The following FBXL18 variants were observed in gnomAD, a reference collection of about 807,000 sequenced individuals.
FBXL18 encodes F-box and leucine rich repeat protein 18.
FBXL18 carries 36 observed loss-of-function variants against 46.0 expected under a neutral mutation model. The observed-to-expected ratio is 0.78, with a 90% confidence interval of 0.60 to 1.03. FBXL18 has a LOEUF of 1.03. Among genes scored for constraint, FBXL18 ranks in the 50% least tolerant of loss-of-function variants. FBXL18 has a pLI of 0.00. For synonymous variants in FBXL18, 557 were observed against 465.3 expected (o/e 1.20, Z -2.54); for missense variants, 977 against 1,004.1 (o/e 0.97, Z 0.36).
intron 4 of FBXL18, among the ~76,000 whole-genome samples, chr7:5,485,089 G>A (rs972838718): frequency 1.3e-5 from 2 of 152,136 alleles, no homozygotes; most frequent in African/African-American, 4.8e-5. Flanking sequence ...GCCAGGATTC[G>A]TTTCTCGCCA....
At chr7:5,459,235 C>A (rs1001136415) in intron 4 of FBXL18, among the ~76,000 whole-genome samples, 1 of 152,190 alleles carries the variant, frequency 6.6e-6, no homozygotes, top group African/African-American at 2.4e-5. Context: ...AGGATTTTAC[C>A]AGACACAGGT....
At chr7:5,497,565 T>G (rs1289272626) in intron 3 of FBXL18, among the ~76,000 whole-genome samples, 1 of 152,170 alleles carries the variant, frequency 6.6e-6, no homozygotes, top group Non-Finnish European at 1.5e-5. Flanking sequence ...CCAAGCTGGC[T>G]GCATGGCCGG....
intron 4 of FBXL18, among the ~76,000 whole-genome samples, chr7:5,486,269 AT>A (rs200416024): frequency 5.5e-5 from 8 of 145,364 alleles, no homozygotes; most frequent in Admixed American, 2.8e-4. Flanking sequence ...AAAAAAAAAA[AT>A]GAGCTGGTTG....
chr7:5,462,840 A>C (rs1398426692), intron 4 of FBXL18, among the ~76,000 whole-genome samples: 1 of 148,598 alleles, frequency 6.7e-6, no homozygotes, highest in Admixed American at 6.8e-5. Context: ...AGTCCCAGCT[A>C]CTCGGGAGGC....
intron 1 of FBXL18, among the ~76,000 whole-genome samples, chr7:5,513,079 A>G (rs970234665): frequency 1.3e-5 from 2 of 152,144 alleles, no homozygotes; most frequent in Non-Finnish European, 2.9e-5. Flanking sequence ...TGCAGAGACA[A>G]TACTTTGCAC....
At chr7:5,498,413 G>C (rs1784142059) in intron 3 of FBXL18, among the ~76,000 whole-genome samples, 1 of 151,958 alleles carries the variant, frequency 6.6e-6, no homozygotes, top group Non-Finnish European at 1.5e-5. Context: ...TACTTTAAAG[G>C]CTCGCCACAT....
downstream of FBXL18, among the ~76,000 whole-genome samples, chr7:5,471,601 G>A (rs534412124): frequency 3.6e-4 from 55 of 151,998 alleles, 1 homozygote; most frequent in East Asian, 3.5e-3. Context: ...TAGTAGAGAC[G>A]GGGCTTCACC....
At chr7:5,462,967 AAAAT>A (rs1783274846) in intron 4 of FBXL18, among the ~76,000 whole-genome samples, 1 of 17,004 alleles carries the variant, frequency 5.9e-5, no homozygotes, top group African/African-American at 1.4e-4. Flanking sequence ...AAAAAAAAAA[AAAAT>A]ATATATATAT....
At chr7:5,470,706 GAGATGTCCCCTTCCCGGGGGGGA>G (rs1783414694) in intron 4 of FBXL18, among the ~76,000 whole-genome samples, 2 of 1,172 alleles carry the variant, frequency 1.7e-3, no homozygotes, top group African/African-American at 0.015. Context: ...TCCCGGGGGG[GAGATGTCCCCTTCCCGGGGGGGA>G]GATGTCCACT....
chr7:5,506,832 C>T (rs751687904), intron 1 of FBXL18, among the ~76,000 whole-genome samples: 2 of 152,190 alleles, frequency 1.3e-5, no homozygotes, highest in Non-Finnish European at 2.9e-5. Context: ...CAGGCAAGAG[C>T]CCTGCACCTG....
chr7:5,472,812 G>C (rs1783447645), downstream of FBXL18, among the ~76,000 whole-genome samples: 1 of 152,178 alleles, frequency 6.6e-6, no homozygotes, highest in South Asian at 2.1e-4. Flanking sequence ...CCCTGGAGAA[G>C]CCGTGAGCAC....
At chr7:5,484,730 C>G (rs1441800050) in intron 4 of FBXL18, among the ~76,000 whole-genome samples, 11 of 151,522 alleles carry the variant, frequency 7.3e-5, no homozygotes, top group African/African-American at 2.4e-4. Flanking sequence ...CCTCCGCCTC[C>G]CGAGCTTAAA....
intron 4 of FBXL18, among the ~76,000 whole-genome samples, chr7:5,485,725 T>C (rs923677144): frequency 1.3e-5 from 2 of 151,990 alleles, no homozygotes; most frequent in African/African-American, 2.4e-5. Flanking sequence ...CTGACCAACA[T>C]GGAGAAACCC....
intron 1 of FBXL18, among the ~76,000 whole-genome samples, chr7:5,510,229 G>T (rs979968447): frequency 1.3e-5 from 2 of 150,564 alleles, no homozygotes; most frequent in African/African-American, 4.9e-5. Context: ...CTTGAACCGA[G>T]GAGGTGGAGG....
intron 1 of FBXL18, among the ~76,000 whole-genome samples, chr7:5,505,886 C>A (rs1262095582): frequency 2.6e-5 from 4 of 152,198 alleles, no homozygotes; most frequent in Non-Finnish European, 5.9e-5. Context: ...TGTTGTGAGA[C>A]AGAAGTTTCA....
In FBXL18 at chr7:5,480,284, G is replaced by A. The variant is rs543445412; in HGVS notation, c.*1491C>T. On this transcript the variant is annotated 3_prime_UTR_variant, in exon 5 of 5. Coordinates refer to ENST00000382368, the MANE Select transcript of FBXL18 (RefSeq NM_024963.6). ...CCAGGGCGGCGGTCCAGGCTAGCAG[G>A]GCCCAACTACAGCCCCCTTTGGAAG... Among the ~76,000 whole-genome samples the A allele has an allele frequency of 2.4e-4, 36 of 152,250 alleles. No homozygotes were observed. The highest frequency in any genetic ancestry group is 8.4e-4 in the African/African-American group (35 of 41,546).
downstream of FBXL18, among the ~76,000 whole-genome samples, chr7:5,470,996 T>A (rs1295862930): frequency 6.6e-6 from 1 of 152,088 alleles, no homozygotes; most frequent in Non-Finnish European, 1.5e-5. Context: ...GCGTGCAGCA[T>A]CTCACCCGGG....
At chr7:5,460,949 G>A (rs1161150040) in intron 4 of FBXL18, among the ~76,000 whole-genome samples, 5 of 152,146 alleles carry the variant, frequency 3.3e-5, no homozygotes, top group South Asian at 2.1e-4. Context: ...TGAAGTAATC[G>A]TGCTACTGGG....
At position 5,495,476 on chromosome 7, in the gene FBXL18, A is replaced by G. The variant is rs764969017; in HGVS notation, c.1782-4027T>C. ...GGAAAGAAGGTGTCTTTTCTGCCCA[A>G]TTTGTAATCCCCTTACTACTGAGGT... On this transcript the variant is annotated intron_variant, in intron 3 of 4. Transcript: ENST00000382368. Among the ~76,000 whole-genome samples the G allele has an allele frequency of 5.3e-5, 8 of 152,132 alleles. No individual in the cohort carries two copies. The East Asian group carries it at 5.8e-4, about 11-fold the overall frequency.
Sources: allele counts gnomAD v4.1 joint callset (sites outside exome capture counted in the v4.1 genomes callset), GRCh38; gene constraint gnomAD v4.1.1; transcripts MANE v1.5; gene names NCBI Gene and HGNC (gene_info 2026-07-23, HGNC 2026-07-21).